The following PTPN9 variants were observed in gnomAD, a reference collection of about 807,000 sequenced individuals.
The protein encoded by PTPN9 is protein tyrosine phosphatase non-receptor type 9.
A neutral mutation model predicts 69.8 loss-of-function variants in PTPN9; 26 were observed. The observed-to-expected ratio is 0.37, with a 90% CI of 0.27 to 0.52. The LOEUF (loss-of-function observed/expected upper bound fraction) is 0.52. PTPN9 is among the 20% of genes least tolerant of loss of function. The probability of loss-of-function intolerance (pLI) is 0.91; values close to 1 mark genes in which losing one functional copy is unlikely to be tolerated. For missense variants in PTPN9, 549 were observed against 740.3 expected, an observed-to-expected ratio of 0.74 and a Z score of 3.00; for synonymous variants, 274 against 272.5, an observed-to-expected ratio of 1.01 and a Z score of -0.05.
At chr15:75,476,766 C>T (rs1720788302) in intron 9 of PTPN9, among the ~76,000 whole-genome samples, 1 of 152,166 alleles carries the variant, frequency 6.6e-6, no homozygotes, top group Non-Finnish European at 1.5e-5. Context: ...ATGCATTACC[C>T]TAGTATACAC....
intron 10 of PTPN9, among the ~76,000 whole-genome samples, chr15:75,471,558 G>A (rs2074565340): frequency 7.0e-6 from 1 of 143,762 alleles, no homozygotes; most frequent in Admixed American, 7.2e-5. Context: ...AGCTGAGATG[G>A]CACCACTGCA....
rs1167899959 is a variant in PTPN9 at position 75,466,992 on chromosome 15, CAT to C, written c.*1775_*1776del. On this transcript the variant is annotated 3_prime_UTR_variant, in exon 13 of 13. Transcript: ENST00000618819. ...CCATGGCCTACAGACAAGGTGAACT[CAT>C]AGTGTCAGAACTCAAAGTCTCAGAT... The C allele has an allele frequency of 3.3e-5, 5 of 152,350 alleles. No individual in the cohort carries two copies. In the East Asian group the frequency reaches 9.6e-4, roughly 29 times the overall value. 9.4% of individuals were successfully genotyped at this position (152,350 alleles called of 1,614,324 possible).
intron 8 of PTPN9, among the ~76,000 whole-genome samples, chr15:75,489,672 ATC>A (rs573382417): frequency 1.8e-3 from 278 of 152,358 alleles, no homozygotes; most frequent in African/African-American, 5.9e-3. Flanking sequence ...TTCATTAAAT[ATC>A]TCTGTTAATA....
chr15:75,504,094 C>T (rs1372844918), intron 7 of PTPN9, among the ~76,000 whole-genome samples: 3 of 120,798 alleles, frequency 2.5e-5, no homozygotes, highest in Non-Finnish European at 5.2e-5. Context: ...ATCAGCACCC[C>T]GCCCGGACAG....
At position 75,473,849 on chromosome 15, in the gene PTPN9, A is replaced by G. The variant is rs149679493; in HGVS notation, c.1130-82T>C. ...GTAGGCGCTTCTGTTTTACTCCCCA[A>G]TGGTAACTCCAAACCATAGATGGTT... On this transcript the variant is annotated intron_variant, in intron 9 of 12. Transcript: ENST00000618819. The G allele has an allele frequency of 1.0e-4, 108 of 1,040,574 alleles. 1 individual carries two copies. The highest frequency in any genetic ancestry group is 2.4e-4 in the Middle Eastern group (1 of 4,098). 64.5% of individuals were successfully genotyped at this position (1,040,574 alleles called of 1,614,324 possible).
chr15:75,554,623 G>A (rs894938223), intron 1 of PTPN9, among the ~76,000 whole-genome samples: 11 of 152,106 alleles, frequency 7.2e-5, no homozygotes, highest in Non-Finnish European at 1.5e-4. Flanking sequence ...CACCATGCCC[G>A]GCCTAGATCA....
rs1555457692 is a variant in PTPN9, at chr15:75,568,520, A to AG, written c.63+10193_63+10194insC. 2.7e-5 allele frequency among the ~76,000 whole-genome samples: 4 copies of AG among 147,396 alleles called. No homozygotes were observed. In the South Asian group the frequency reaches 8.6e-4, roughly 32 times the overall value. The stretch of plus-strand genomic sequence containing the variant: ...GAGACCTTGTCTCAAAAAAAAAAAA[A>AG]AAAACAAAACAAAAAAAAAACAACC... On this transcript the variant is annotated intron_variant, in intron 1 of 12. Transcript: ENST00000618819.
intron 1 of PTPN9, among the ~76,000 whole-genome samples, chr15:75,547,659 T>C (rs2075039302): frequency 6.9e-6 from 1 of 145,334 alleles, no homozygotes; most frequent in East Asian, 2.0e-4. Context: ...ATTTACTGGA[T>C]ATAGGGTTCT....
At chr15:75,572,015 ATTTTAATCTAGTGAGAG>A (rs1222757831) in intron 1 of PTPN9, among the ~76,000 whole-genome samples, 3 of 152,098 alleles carry the variant, frequency 2.0e-5, no homozygotes, top group Non-Finnish European at 2.9e-5. Flanking sequence ...ATTATACAGA[ATTTTAATCTAGTGAGAG>A]TTCTAGTTAA....
chr15:75,470,910 A>C, intron 10 of PTPN9, 80 bp from the exon 11 acceptor site: 2 of 1,507,654 alleles, frequency 1.3e-6, no homozygotes, highest in Non-Finnish European at 1.8e-6. Context: ...GACCTGATAT[A>C]CCCCCAGGCA....
In PTPN9 at chr15:75,465,185, C is replaced by T. The variant is rs897653792; in HGVS notation, c.*3584G>A. On this transcript the variant is annotated 3_prime_UTR_variant, in exon 13 of 13. Coordinates refer to ENST00000618819, the MANE Select transcript of PTPN9 (RefSeq NM_002833.4). ...ATGGCGCGATCTCGGCTCATTGCAA[C>T]CTCTGCCTCCCAGATTCAAGTGATT... 3 of 152,058 alleles carry T rather than the reference C, an allele frequency of 2.0e-5. No individual in the cohort carries two copies. The highest frequency in any genetic ancestry group is 7.2e-5 in the African/African-American group (3 of 41,382). 9.4% of individuals were successfully genotyped at this position (152,058 alleles called of 1,614,324 possible).
intron 1 of PTPN9, among the ~76,000 whole-genome samples, chr15:75,573,992 A>C (rs1383997597): frequency 6.6e-6 from 1 of 152,220 alleles, no homozygotes. Context: ...AGCTCCTGCA[A>C]AGACCCTGTA....
chr15:75,477,455 C>T (rs2074602366), intron 9 of PTPN9, among the ~76,000 whole-genome samples: 2 of 152,014 alleles, frequency 1.3e-5, no homozygotes, highest in Admixed American at 1.3e-4. Context: ...ATTAGCCAGG[C>T]ATGGTGGCAG....
chr15:75,552,073 A>C (rs2075058712), intron 1 of PTPN9, among the ~76,000 whole-genome samples: 1 of 151,796 alleles, frequency 6.6e-6, no homozygotes, highest in African/African-American at 2.4e-5. Flanking sequence ...AAAAAGAAAA[A>C]AAAATTTGTT....
intron 8 of PTPN9, among the ~76,000 whole-genome samples, chr15:75,484,928 T>C (rs930361741): frequency 2.6e-5 from 4 of 152,226 alleles, no homozygotes; most frequent in African/African-American, 4.8e-5. Context: ...AGCCAGTCAG[T>C]CTACCAATTT....
chr15:75,578,901 G>T lies in PTPN9; in HGVS notation c.-125C>A. On this transcript the variant is annotated 5_prime_UTR_variant, in exon 1 of 13. Transcript: ENST00000618819. ...GGGCCGGCTCGCGCATAGTGTGGCC[G>T]GCAGGGCCCGGCGCCTGCAGCGGCC... is the stretch of plus-strand genomic sequence containing the variant. 2 of 534,042 alleles carry T rather than the reference G, an allele frequency of 3.7e-6. No homozygotes were observed. The highest frequency in any genetic ancestry group is 4.9e-5 in the East Asian group (1 of 20,484). 33.1% of individuals were successfully genotyped at this position (534,042 alleles called of 1,614,324 possible). A position where few individuals can be genotyped will look rare whatever the true frequency, so the allele number is the denominator to read the frequency against.
intron 7 of PTPN9, among the ~76,000 whole-genome samples, chr15:75,496,782 C>T (rs147098955): frequency 3.7e-4 from 56 of 152,230 alleles, no homozygotes; most frequent in African/African-American, 1.3e-3. Flanking sequence ...GCTGGGATTA[C>T]AGGCATGAGC....
rs1258037305 is a variant in PTPN9, at chr15:75,578,970, G to A, written c.-194C>T. Reference sequence around the variant, plus strand: ...TCCTTAAGAAAAATCTCTCCGAACTGCCGCTCTCTTCCGGGAGGAAATCCT... The same window carrying A: ...TCCTTAAGAAAAATCTCTCCGAACTACCGCTCTCTTCCGGGAGGAAATCCT... On this transcript the variant is annotated 5_prime_UTR_variant, in exon 1 of 13. Transcript: ENST00000618819. 1 of 296,268 alleles carries A rather than the reference G, an allele frequency of 3.4e-6. No homozygotes were observed. Among genetic ancestry groups the A allele is most frequent in the Non-Finnish European group, 6.2e-6 (1 of 161,866 alleles). The allele number at this position is 296,268 out of a possible 1,614,324, so 18.4% of individuals were successfully genotyped here. A position where few individuals can be genotyped will look rare whatever the true frequency, so the allele number is the denominator to read the frequency against.
At chr15:75,536,807 C>G (rs2074984117) in intron 1 of PTPN9, among the ~76,000 whole-genome samples, 1 of 152,018 alleles carries the variant, frequency 6.6e-6, no homozygotes. Flanking sequence ...AAAAAAATAA[C>G]TATAAGCAGT....
Sources: allele counts gnomAD v4.1 joint callset (sites outside exome capture counted in the v4.1 genomes callset), GRCh38; gene constraint gnomAD v4.1.1; transcripts MANE v1.5; gene names NCBI Gene and HGNC (gene_info 2026-07-23, HGNC 2026-07-21).